Variants in CERKL observed in about 807,000 individuals in gnomAD.
CERKL encodes CERK like autophagy regulator.
CERKL carries 61 observed loss-of-function variants against 63.4 expected under a neutral mutation model. The observed-to-expected ratio is 0.96, with a 90% confidence interval of 0.78 to 1.19. The LOEUF (loss-of-function observed/expected upper bound fraction) is 1.19, where lower values mean the gene tolerates loss of function less well. Among genes scored for constraint, CERKL ranks in the 50% most tolerant of loss-of-function variants. The pLI is 0.00. For missense variants in CERKL, 675 were observed against 655.5 expected (o/e 1.03, Z -0.33); for synonymous variants, 250 against 230.5 (o/e 1.08, Z -0.77).
chr2:181,566,612 T>C (rs754580850), intron 3 of CERKL, among the ~76,000 whole-genome samples: 1 of 150,564 alleles, frequency 6.6e-6, no homozygotes, highest in African/African-American at 2.4e-5. Flanking sequence ...AGAGGAAGAG[T>C]TGGATGTGAA....
At chr2:181,538,507 A>AGTCAGTTAT (rs1218009034) in intron 12 of CERKL, among the ~76,000 whole-genome samples, 1 of 25,270 alleles carries the variant, frequency 4.0e-5, no homozygotes, top group African/African-American at 1.8e-4. Context: ...CCTCTAGAAC[A>AGTCAGTTAT]CCCATGTCTA....
chr2:181,651,935 TAAAC>T (rs1687957073), intron 1 of CERKL, among the ~76,000 whole-genome samples: 3 of 149,616 alleles, frequency 2.0e-5, no homozygotes, highest in East Asian at 1.9e-4. Flanking sequence ...TACCTAGAAA[TAAAC>T]AACCAAGGAA....
intron 4 of CERKL, among the ~76,000 whole-genome samples, chr2:181,563,136 C>T (rs912757265): frequency 5.3e-5 from 8 of 152,004 alleles, no homozygotes; most frequent in Non-Finnish European, 8.8e-5. Flanking sequence ...TATTTTCCTT[C>T]CTAAAACTTC....
chr2:181,611,131 G>A (rs974594999), intron 1 of CERKL, among the ~76,000 whole-genome samples: 5 of 152,090 alleles, frequency 3.3e-5, no homozygotes, highest in African/African-American at 1.2e-4. Context: ...GTGGAGGCAG[G>A]AGAATCGCTT....
At chr2:181,652,091 T>C (rs4404231) in intron 1 of CERKL, among the ~76,000 whole-genome samples, 151,215 of 152,218 alleles carry the variant, frequency 0.99, 75,128 homozygotes, top group Middle Eastern at 1. Context: ...AAGTGATCTA[T>C]GGATTTAATG....
At chr2:181,588,015 T>C (rs911892650) in intron 2 of CERKL, among the ~76,000 whole-genome samples, 2 of 152,202 alleles carry the variant, frequency 1.3e-5, no homozygotes, top group Admixed American at 1.3e-4. Flanking sequence ...TGTATATTTA[T>C]CATGTACATC....
chr2:181,546,352 AAC>A (rs1425016599), intron 10 of CERKL, among the ~76,000 whole-genome samples: 1 of 152,184 alleles, frequency 6.6e-6, no homozygotes. Flanking sequence ...AGTCCTGCCA[AAC>A]ATAGCTCCTT....
intron 1 of CERKL, among the ~76,000 whole-genome samples, chr2:181,634,206 A>G (rs1187876867): frequency 6.6e-6 from 1 of 152,196 alleles, no homozygotes; most frequent in African/African-American, 2.4e-5. Flanking sequence ...CAAATATTGT[A>G]GATTCACGTT....
intron 5 of CERKL, among the ~76,000 whole-genome samples, chr2:181,554,434 AATTT>A (rs1442507502): frequency 3.9e-5 from 6 of 152,300 alleles, no homozygotes; most frequent in African/African-American, 7.2e-5. Context: ...GGAAAGCATG[AATTT>A]ATTTATGCAA....
rs902308015 is a variant in CERKL, at chr2:181,537,076, C to T, written c.*1108G>A. On this transcript the variant is annotated 3_prime_UTR_variant, in exon 13 of 13. Transcript: ENST00000410087. ...AATGTAAGCACAAAACCTCCTGAAC[C>T]CAGAGTGTGTATACACAGGAATAAA... 2.2e-6 allele frequency: 1 copy of T among 446,948 alleles called. No homozygotes were observed. The highest frequency in any genetic ancestry group is 4.5e-6 in the Non-Finnish European group (1 of 223,020). 27.7% of individuals were successfully genotyped at this position (446,948 alleles called of 1,614,324 possible).
At chr2:181,559,706 A>G (rs1193598383) in intron 4 of CERKL, among the ~76,000 whole-genome samples, 1 of 152,192 alleles carries the variant, frequency 6.6e-6, no homozygotes, top group African/African-American at 2.4e-5. Flanking sequence ...ACTATTTCAA[A>G]CAAAACTGTC....
intron 2 of CERKL, among the ~76,000 whole-genome samples, chr2:181,583,129 A>G (rs888668618): frequency 6.6e-6 from 1 of 152,010 alleles, no homozygotes; most frequent in Non-Finnish European, 1.5e-5. Context: ...AGTAACATCC[A>G]TTTAAAAATA....
chr2:181,598,985 A>T (rs1685345581), intron 2 of CERKL, among the ~76,000 whole-genome samples: 1 of 152,224 alleles, frequency 6.6e-6, no homozygotes, highest in African/African-American at 2.4e-5. Flanking sequence ...CTACAAAAAG[A>T]GTGTCTTCAT....
rs183534684 is a variant in CERKL at position 181,600,795 on chromosome 2, C to G, written c.481+3042G>C. ...ACCCCACTCACAGCACCAGACAGAT[C>G]ACCATGGCAGAAAACTAACAAAGGT... On this transcript the variant is annotated intron_variant, in intron 2 of 12. Coordinates refer to ENST00000410087, the MANE Select transcript of CERKL (RefSeq NM_201548.5). Among the ~76,000 whole-genome samples the G allele has an allele frequency of 3.9e-5, 6 of 152,316 alleles. No homozygotes were observed. The East Asian group carries it at 1.2e-3, about 29-fold the overall frequency.
Position 181,558,602 on chromosome 2 carries a change from C to G in CERKL, c.784G>C (p.Val262Leu), listed in dbSNP as rs1301473921. The G allele has an allele frequency of 6.2e-7, 1 of 1,613,732 alleles. No homozygotes were observed. The highest frequency in any genetic ancestry group is 1.3e-5 in the African/African-American group (1 of 75,018). The stretch of plus-strand genomic sequence containing the variant: ...AAGCCAAGTGGAAGCTGTGCTCTGA[C>G]AGGAGTCAGGATTCGGTCTGTTTCC... Reference protein sequence around the residue: ...GMETDRILTPVRAQLPLGLIP... With the variant: ...GMETDRILTPLRAQLPLGLIP... Residue 262 changes from valine (V) to leucine (L), a missense_variant, in exon 5 of 13, where the codon GTC (valine) becomes CTC (leucine). Physicochemically the swap from Val to Leu is conservative, Grantham distance 32 (BLOSUM62 1). Coordinates refer to ENST00000410087, the MANE Select transcript of CERKL (RefSeq NM_201548.5). This position sits in a 1 kb window ranked among gnomAD's most constrained non-coding sequence, Gnocchi z 4.2.
At chr2:181,645,987 T>A (rs573969110) in intron 1 of CERKL, among the ~76,000 whole-genome samples, 6 of 152,168 alleles carry the variant, frequency 3.9e-5, no homozygotes, top group Admixed American at 1.3e-4. Context: ...CCAGGAAGTA[T>A]GTAGCAGATG....
At chr2:181,630,716 T>C (rs769104290) in intron 1 of CERKL, among the ~76,000 whole-genome samples, 30 of 152,188 alleles carry the variant, frequency 2.0e-4, no homozygotes, top group Admixed American at 2.6e-4. Context: ...TGTGAGAAGA[T>C]AAATTTCTGT....
intron 1 of CERKL, among the ~76,000 whole-genome samples, chr2:181,621,050 G>A (rs927136393): frequency 6.6e-5 from 10 of 152,046 alleles, no homozygotes; most frequent in African/African-American, 2.2e-4. Flanking sequence ...CTAGGCAAAT[G>A]GGGGATATGA....
At chr2:181,600,435 T>A (rs933493539) in intron 2 of CERKL, among the ~76,000 whole-genome samples, 1 of 152,210 alleles carries the variant, frequency 6.6e-6, no homozygotes, top group African/African-American at 2.4e-5. Flanking sequence ...TTAGATTTTT[T>A]AAATGACCTA....
Sources: allele counts gnomAD v4.1 joint callset (sites outside exome capture counted in the v4.1 genomes callset), GRCh38; gene constraint gnomAD v4.1.1; non-coding constraint Gnocchi (gnomAD v3.1); transcripts MANE v1.5; gene names NCBI Gene and HGNC (gene_info 2026-07-23, HGNC 2026-07-21).